The following NOL4 variants were observed in gnomAD, a reference collection of about 807,000 sequenced individuals.
NOL4 encodes nucleolar protein 4, also known as cancer/testis antigen 125.
In NOL4, 17 loss-of-function variants were observed where a neutral mutation model predicts 75.9. That is an observed-to-expected ratio of 0.22 (90% CI 0.15 to 0.34). NOL4 has a LOEUF of 0.34. Among genes scored for constraint, NOL4 ranks in the 10% least tolerant of loss-of-function variants. The pLI, the probability that NOL4 is intolerant of heterozygous loss-of-function variation, is 1.00. For missense variants in NOL4, 614 were observed against 793.5 expected (o/e 0.77, Z 2.72); for synonymous variants, 292 against 289.9 (o/e 1.01, Z -0.07).
rs562200287 is a variant in NOL4 at position 34,224,568 on chromosome 18, C to A, written c.-1315G>T. On this transcript the variant is annotated 5_prime_UTR_variant, in exon 1 of 11. Transcript: ENST00000261592. ...TTATTCTACTCTCACCCGAGGCCCG[C>A]GCCCGTCCCGGGGAGCGGCTCTGCC... is the stretch of plus-strand genomic sequence containing the variant. 1.4e-4 allele frequency: 22 copies of A among 152,306 alleles called. No homozygotes were observed. Among genetic ancestry groups the A allele is most frequent in the African/African-American group, 5.1e-4 (21 of 41,462 alleles). 9.4% of individuals were successfully genotyped at this position (152,306 alleles called of 1,614,324 possible). A position where few individuals can be genotyped will look rare whatever the true frequency, so the allele number is the denominator to read the frequency against.
intron 9 of NOL4, among the ~76,000 whole-genome samples, chr18:33,904,346 A>C (rs574637610): frequency 4.3e-4 from 65 of 152,164 alleles, no homozygotes; most frequent in Non-Finnish European, 7.8e-4. Flanking sequence ...AAACGAAAAA[A>C]GTAGAATCCT....
intron 4 of NOL4, among the ~76,000 whole-genome samples, chr18:34,095,529 T>G (rs993920204): frequency 2.6e-5 from 4 of 152,114 alleles, no homozygotes; most frequent in Admixed American, 2.6e-4. Flanking sequence ...TATGCTACCT[T>G]AAGCAAGTTA....
chr18:33,862,885 T>C (rs1336568253), intron 10 of NOL4, among the ~76,000 whole-genome samples: 2 of 152,146 alleles, frequency 1.3e-5, no homozygotes, highest in Non-Finnish European at 2.9e-5. Context: ...GATCTAGAAC[T>C]AGAAATACCA....
intron 6 of NOL4, among the ~76,000 whole-genome samples, chr18:33,979,707 G>A (rs1389440248): frequency 6.6e-6 from 1 of 151,796 alleles, no homozygotes; most frequent in Non-Finnish European, 1.5e-5. Flanking sequence ...AAAATTATGT[G>A]AGTATTTACA....
chr18:34,112,684 G>A (rs2079652880), intron 2 of NOL4, among the ~76,000 whole-genome samples: 1 of 152,122 alleles, frequency 6.6e-6, no homozygotes, highest in Non-Finnish European at 1.5e-5. Flanking sequence ...AGAATACAAT[G>A]GTGGTTCCAG....
At chr18:34,048,939 G>A (rs900324785) in intron 5 of NOL4, among the ~76,000 whole-genome samples, 1 of 151,974 alleles carries the variant, frequency 6.6e-6, no homozygotes. Context: ...TAAATTAAAA[G>A]CATTTTGCTT....
intron 5 of NOL4, among the ~76,000 whole-genome samples, chr18:34,081,371 A>C (rs1461612741): frequency 6.6e-6 from 1 of 152,196 alleles, no homozygotes; most frequent in Non-Finnish European, 1.5e-5. Flanking sequence ...TCCACATTAT[A>C]CACATTTTAA....
chr18:34,054,366 A>G (rs922756806), intron 5 of NOL4, among the ~76,000 whole-genome samples: 4 of 151,844 alleles, frequency 2.6e-5, no homozygotes, highest in Non-Finnish European at 5.9e-5. Flanking sequence ...TGTTTGCTTC[A>G]TCTATTGGGA....
At chr18:34,095,245 A>ATGTGTGTGTGTGTG (rs761927350) in intron 4 of NOL4, among the ~76,000 whole-genome samples, 1,496 of 94,218 alleles carry the variant, frequency 0.016, 14 homozygotes, top group Non-Finnish European at 0.025. Flanking sequence ...CTAAATTCTA[A>ATGTGTGTGTGTGTG]TGTGTATGTG....
intron 5 of NOL4, among the ~76,000 whole-genome samples, chr18:34,072,041 A>T (rs1415121468): frequency 6.6e-6 from 1 of 152,048 alleles, no homozygotes; most frequent in East Asian, 1.9e-4. Flanking sequence ...GACCAGCCTG[A>T]CCAAGATGGT....
At chr18:34,091,380 A>T (rs1270603181) in intron 5 of NOL4, among the ~76,000 whole-genome samples, 1 of 151,868 alleles carries the variant, frequency 6.6e-6, no homozygotes, top group Admixed American at 6.6e-5. Context: ...AAATAATAAA[A>T]CAAAATAAAA....
intron 1 of NOL4, chr18:34,220,893 T>C (rs780646932): frequency 1.6e-4 from 25 of 152,256 alleles, no homozygotes; most frequent in Admixed American, 2.0e-4. Flanking sequence ...TCCCTGAAGT[T>C]GTCACTCTAT....
intron 9 of NOL4, among the ~76,000 whole-genome samples, chr18:33,936,409 T>G (rs75485168): frequency 2.2e-3 from 51 of 23,172 alleles, no homozygotes; most frequent in Middle Eastern, 0.033. Flanking sequence ...AGCAGTGAGT[T>G]TTTTTTTTTT....
chr18:33,923,227 G>A (rs1003027288), intron 9 of NOL4, among the ~76,000 whole-genome samples: 2 of 151,878 alleles, frequency 1.3e-5, no homozygotes, highest in African/African-American at 2.4e-5. Flanking sequence ...AATGTCATAA[G>A]GTCATGATTT....
intron 5 of NOL4, among the ~76,000 whole-genome samples, chr18:34,070,244 A>C (rs1375110334): frequency 1.3e-5 from 2 of 151,860 alleles, no homozygotes; most frequent in Non-Finnish European, 2.9e-5. Context: ...TGGTCTCGAT[A>C]TCCTGACCTC....
At chr18:34,176,596 C>A (rs2033567128) in intron 1 of NOL4, among the ~76,000 whole-genome samples, 1 of 151,966 alleles carries the variant, frequency 6.6e-6, no homozygotes, top group Admixed American at 6.6e-5. Flanking sequence ...GCAATTAGGG[C>A]TAAATGAGAT....
At chr18:34,180,064 G>A (rs934924219) in intron 1 of NOL4, among the ~76,000 whole-genome samples, 2 of 151,314 alleles carry the variant, frequency 1.3e-5, no homozygotes, top group Non-Finnish European at 3.0e-5. Flanking sequence ...ATTTTAAAAA[G>A]AATTAACATC....
intron 5 of NOL4, among the ~76,000 whole-genome samples, chr18:34,076,617 G>T (rs1002843738): frequency 6.6e-6 from 1 of 152,116 alleles, no homozygotes; most frequent in South Asian, 2.1e-4. Context: ...TGTCACCTGA[G>T]TCCCACTCCA....
intron 5 of NOL4, among the ~76,000 whole-genome samples, chr18:34,040,749 G>A (rs528542250): frequency 3.9e-5 from 6 of 151,914 alleles, no homozygotes; most frequent in African/African-American, 1.2e-4. Flanking sequence ...TAGGTATCAC[G>A]GAGGATAAAC....
Sources: gnomAD v4.1 joint callset for allele counts (sites outside exome capture counted in the v4.1 genomes callset) on GRCh38, gnomAD v4.1.1 for gene constraint, MANE v1.5 for transcripts, NCBI Gene and HGNC (gene_info 2026-07-23, HGNC 2026-07-21) for gene names.